Variants in PTP4A3 observed in about 807,000 individuals in gnomAD.
The protein encoded by PTP4A3 is protein tyrosine phosphatase type IVA 3.
PTP4A3 carries 9 observed loss-of-function variants against 15.2 expected under a neutral mutation model. The observed-to-expected ratio is 0.59, with a 90% CI of 0.36 to 1.03. The LOEUF (loss-of-function observed/expected upper bound fraction) is 1.03, where lower values mean the gene tolerates loss of function less well. Among genes scored for constraint, PTP4A3 ranks in the 50% least tolerant of loss-of-function variants. PTP4A3 has a pLI of 0.02. For synonymous variants in PTP4A3, 95 were observed against 102.0 expected, an observed-to-expected ratio of 0.93 and a Z score of 0.41; for missense variants, 234 against 252.1, an observed-to-expected ratio of 0.93 and a Z score of 0.49.
chr8:141,393,871 G>A (rs1832368823), intron 1 of PTP4A3, among the ~76,000 whole-genome samples: 1 of 152,244 alleles, frequency 6.6e-6, no homozygotes, highest in Non-Finnish European at 1.5e-5. Context: ...AGGTCTTGGA[G>A]GCACCATGGG....
At chr8:141,400,885 A>G (rs1408655364) in intron 1 of PTP4A3, among the ~76,000 whole-genome samples, 1 of 152,086 alleles carries the variant, frequency 6.6e-6, no homozygotes, top group African/African-American at 2.4e-5. Context: ...TCCCTGGAGC[A>G]TGTGTCCCCA....
At chr8:141,426,843 CT>C (rs1833596763) in intron 3 of PTP4A3, 95 bp from the exon 4 acceptor site, 2 of 1,508,868 alleles carry the variant, frequency 1.3e-6, no homozygotes, top group African/African-American at 2.8e-5. Context: ...TCCTGGCACC[CT>C]CTGCCTCTCA....
intron 2 of PTP4A3, among the ~76,000 whole-genome samples, chr8:141,424,419 G>A (rs748177477): frequency 2.0e-4 from 30 of 152,072 alleles, no homozygotes; most frequent in Admixed American, 1.2e-3. Flanking sequence ...CCATCTGAGC[G>A]GTGCCCACCC....
At chr8:141,403,559 G>T (rs1832650111) in intron 1 of PTP4A3, among the ~76,000 whole-genome samples, 1 of 152,238 alleles carries the variant, frequency 6.6e-6, no homozygotes, top group African/African-American at 2.4e-5. Flanking sequence ...CCCATAAGTT[G>T]ATAGAGATAG....
chr8:141,398,484 G>C (rs1205005793), intron 1 of PTP4A3, among the ~76,000 whole-genome samples: 1 of 152,160 alleles, frequency 6.6e-6, no homozygotes, highest in Non-Finnish European at 1.5e-5. Flanking sequence ...CAGGAACCAG[G>C]GAATGTTCTA....
chr8:141,430,845 C>T (rs898786586), intron 5 of PTP4A3, 82 bp from the exon 6 acceptor site: 11 of 1,399,134 alleles, frequency 7.9e-6, no homozygotes, highest in Non-Finnish European at 1.1e-5. Context: ...CCACTGCACT[C>T]TCAGATTCCA....
At chr8:141,415,166 G>C (rs1832990721) in intron 1 of PTP4A3, among the ~76,000 whole-genome samples, 2 of 152,154 alleles carry the variant, frequency 1.3e-5, no homozygotes, top group Non-Finnish European at 2.9e-5. Context: ...TGCAGGGTCC[G>C]GGCCCTTCTG....
At chr8:141,403,906 T>G (rs1832662524) in intron 1 of PTP4A3, among the ~76,000 whole-genome samples, 1 of 152,294 alleles carries the variant, frequency 6.6e-6, no homozygotes, top group Admixed American at 6.5e-5. Context: ...GCAATAATTT[T>G]TATTCATTTA....
In PTP4A3 at chr8:141,406,373, C is replaced by T. The variant is rs145135035; in HGVS notation, c.-854+14289C>T. On this transcript the variant is annotated intron_variant, in intron 1 of 5. Transcript: ENST00000521578. This position sits in a 1 kb window ranked among gnomAD's most constrained non-coding sequence, Gnocchi z 4.5. The stretch of plus-strand genomic sequence containing the variant: ...GTGCCCTGAAGCACTTCTGAGAAGC[C>T]GGGGAGCAGTTCCCTGGGGTTTCCC... Among the ~76,000 whole-genome samples the T allele has an allele frequency of 4.6e-5, 7 of 152,222 alleles. No individual in the cohort carries two copies. Among genetic ancestry groups the T allele is most frequent in the East Asian group, 3.9e-4 (2 of 5,180 alleles).
At chr8:141,400,427 C>T (rs960300877) in intron 1 of PTP4A3, among the ~76,000 whole-genome samples, 2 of 152,384 alleles carry the variant, frequency 1.3e-5, no homozygotes, top group East Asian at 1.9e-4. Flanking sequence ...TCACAAGAAC[C>T]GTGCCGGCCT....
intron 1 of PTP4A3, among the ~76,000 whole-genome samples, chr8:141,396,590 C>T (rs976879569): frequency 1.3e-5 from 2 of 152,086 alleles, no homozygotes; most frequent in African/African-American, 2.4e-5. Context: ...AGCCCTGCCC[C>T]GAGGAGCTGG....
intron 5 of PTP4A3, among the ~76,000 whole-genome samples, chr8:141,428,144 T>G (rs1207086673): frequency 2.6e-5 from 4 of 152,078 alleles, no homozygotes; most frequent in Middle Eastern, 3.4e-3. Flanking sequence ...GCCAGCCAGT[T>G]CAGTCCCTCC....
In PTP4A3 at chr8:141,431,176, T is replaced by C. The variant is rs1030212935; in HGVS notation, c.*132T>C. On this transcript the variant is annotated 3_prime_UTR_variant, in exon 6 of 6. Transcript: ENST00000521578. ...TGGCTGGCCCCACATCGCCTTTTCC[T>C]CCCCGACACCTCCGTGCACTTGTGT... The C allele has an allele frequency of 3.7e-6, 3 of 816,082 alleles. No homozygotes were observed. Among genetic ancestry groups the C allele is most frequent in the African/African-American group, 3.5e-5 (2 of 57,916 alleles). The allele number at this position is 816,082 out of a possible 1,614,324, so 50.6% of individuals were successfully genotyped here. A position where few individuals can be genotyped will look rare whatever the true frequency, so the allele number is the denominator to read the frequency against.
chr8:141,427,435 G>A (rs1479404687), intron 4 of PTP4A3, among the ~76,000 whole-genome samples: 1 of 151,410 alleles, frequency 6.6e-6, no homozygotes, highest in Non-Finnish European at 1.5e-5. Context: ...TGACCAGTGG[G>A]ACACCCCCAT....
intron 5 of PTP4A3, 124 bp downstream of exon 5, chr8:141,427,948 G>A: frequency 1.1e-6 from 1 of 926,922 alleles, no homozygotes; most frequent in Admixed American, 2.8e-5. Flanking sequence ...ATCAGCACAA[G>A]CTGGGCCTTG....
intron 1 of PTP4A3, among the ~76,000 whole-genome samples, chr8:141,407,260 G>C (rs542529888): frequency 6.6e-6 from 1 of 152,188 alleles, no homozygotes; most frequent in Non-Finnish European, 1.5e-5. Context: ...CTTCACACAC[G>C]TGGGCACAAA....
At chr8:141,418,615 G>T (rs1202208735) in intron 1 of PTP4A3, among the ~76,000 whole-genome samples, 2 of 152,330 alleles carry the variant, frequency 1.3e-5, no homozygotes, top group Admixed American at 1.3e-4. Flanking sequence ...GAAGGGTTCT[G>T]CAGGGCTTGG....
intron 3 of PTP4A3, chr8:141,426,487 G>T: frequency 1.0e-6 from 1 of 985,470 alleles, no homozygotes; most frequent in African/African-American, 1.7e-5. Flanking sequence ...CACCTGGGCT[G>T]TGTGTGGCAT....
chr8:141,419,805 C>G (rs541313381), intron 1 of PTP4A3, among the ~76,000 whole-genome samples: 43 of 152,250 alleles, frequency 2.8e-4, no homozygotes, highest in South Asian at 2.3e-3. Flanking sequence ...TCTTGAACTC[C>G]TGACCTCAGG....
Sources: gnomAD v4.1 joint callset for allele counts (sites outside exome capture counted in the v4.1 genomes callset) on GRCh38, gnomAD v4.1.1 for gene constraint, Gnocchi (gnomAD v3.1) non-coding constraint, MANE v1.5 for transcripts, NCBI Gene and HGNC (gene_info 2026-07-23, HGNC 2026-07-21) for gene names.